The following NCAM2 variants were observed in gnomAD, a reference collection of about 807,000 sequenced individuals.
NCAM2 encodes neural cell adhesion molecule 2.
In NCAM2, 30 loss-of-function variants were observed where a neutral mutation model predicts 98.1. The observed-to-expected ratio is 0.31, with a 90% CI of 0.23 to 0.41. The LOEUF is 0.41. NCAM2 is among the 10% of genes least tolerant of loss of function. The probability of loss-of-function intolerance (pLI) is 1.00; values close to 1 mark genes in which losing one functional copy is unlikely to be tolerated. For missense variants in NCAM2, 867 were observed against 1,005.8 expected (o/e 0.86, Z 1.87); for synonymous variants, 368 against 342.4 (o/e 1.07, Z -0.83).
rs577438068 is a variant in NCAM2 at position 21,539,864 on chromosome 21, T to C, written c.*1907T>C. The C allele has an allele frequency of 2.6e-5, 4 of 152,336 alleles. No homozygotes were observed. The highest frequency in any genetic ancestry group is 2.6e-4 in the Admixed American group (4 of 15,282). The allele number at this position is 152,336 out of a possible 1,614,324, so 9.4% of individuals were successfully genotyped here. ...ACAGATTTGACTGTTCATATTTAGTTTATGTTTGTCTGATCATCCAGTTTG... is the reference window on the plus strand; with the variant it reads ...ACAGATTTGACTGTTCATATTTAGTCTATGTTTGTCTGATCATCCAGTTTG... On this transcript the variant is annotated 3_prime_UTR_variant, in exon 18 of 18. Coordinates refer to ENST00000400546, the MANE Select transcript of NCAM2 (RefSeq NM_004540.5).
At chr21:21,082,225 T>TTAAAAAAAA (rs1555882202) in intron 1 of NCAM2, among the ~76,000 whole-genome samples, 6 of 82,918 alleles carry the variant, frequency 7.2e-5, no homozygotes, top group African/African-American at 2.7e-4. Flanking sequence ...GAGAATCCTT[T>TTAAAAAAAA]AAAAAAAAAA....
intron 8 of NCAM2, among the ~76,000 whole-genome samples, chr21:21,353,451 G>A (rs375761870): frequency 8.6e-4 from 131 of 152,156 alleles, no homozygotes; most frequent in African/African-American, 3.0e-3. Context: ...TGACAATGTC[G>A]GAAGTCTGCA....
intron 1 of NCAM2, among the ~76,000 whole-genome samples, chr21:21,092,373 A>C (rs1037675001): frequency 6.6e-6 from 1 of 152,034 alleles, no homozygotes; most frequent in South Asian, 2.1e-4. Flanking sequence ...AAAAATAATT[A>C]TGCATATTTA....
At chr21:21,112,847 G>A (rs1056367481) in intron 1 of NCAM2, among the ~76,000 whole-genome samples, 3 of 152,166 alleles carry the variant, frequency 2.0e-5, no homozygotes, top group African/African-American at 7.2e-5. Context: ...TATAGTAAAA[G>A]CATATCTTTG....
At chr21:21,252,525 A>G (rs2071513172) in intron 1 of NCAM2, among the ~76,000 whole-genome samples, 1 of 152,042 alleles carries the variant, frequency 6.6e-6, no homozygotes, top group South Asian at 2.1e-4. Flanking sequence ...AAAGCACCTG[A>G]GAGCTACGAA....
At chr21:21,306,901 A>T (rs943290096) in intron 5 of NCAM2, among the ~76,000 whole-genome samples, 1 of 151,694 alleles carries the variant, frequency 6.6e-6, no homozygotes, top group African/African-American at 2.4e-5. Flanking sequence ...CCTGAATTCA[A>T]TTGCTTTGAT....
In NCAM2 at chr21:21,541,703, A is replaced by G. The variant is rs766248721; in HGVS notation, c.*3746A>G. 1.3e-5 allele frequency: 2 copies of G among 151,798 alleles called. No homozygotes were observed. Among genetic ancestry groups the G allele is most frequent in the African/African-American group, 4.8e-5 (2 of 41,422 alleles). The allele number at this position is 151,798 out of a possible 1,614,324, so 9.4% of individuals were successfully genotyped here. A position where few individuals can be genotyped will look rare whatever the true frequency, so the allele number is the denominator to read the frequency against. ...ATGTACAGTTCAAGAAGTAGAAATAATATTTTCCATTAGTTAATTTAGGAA... is the reference window on the plus strand; with the variant it reads ...ATGTACAGTTCAAGAAGTAGAAATAGTATTTTCCATTAGTTAATTTAGGAA... On this transcript the variant is annotated 3_prime_UTR_variant, in exon 18 of 18. Transcript: ENST00000400546.
At chr21:21,523,936 G>T (rs1000987739) in intron 16 of NCAM2, among the ~76,000 whole-genome samples, 1 of 151,332 alleles carries the variant, frequency 6.6e-6, no homozygotes, top group Non-Finnish European at 1.5e-5. Context: ...TTAATCCATT[G>T]TATCAGTAAT....
chr21:21,231,986 A>G (rs2070645631), intron 1 of NCAM2, among the ~76,000 whole-genome samples: 1 of 151,426 alleles, frequency 6.6e-6, no homozygotes, highest in Admixed American at 6.6e-5. Flanking sequence ...ATTGTAATAC[A>G]TTTTCCTCAG....
chr21:21,020,128 C>T (rs774529442), intron 1 of NCAM2, among the ~76,000 whole-genome samples: 6 of 152,052 alleles, frequency 3.9e-5, no homozygotes, highest in Non-Finnish European at 8.8e-5. Context: ...CCTCTGCCTC[C>T]GGGTTCAAGT....
At chr21:21,034,242 A>G (rs752374992) in intron 1 of NCAM2, among the ~76,000 whole-genome samples, 5 of 152,270 alleles carry the variant, frequency 3.3e-5, no homozygotes, top group African/African-American at 4.8e-5. Flanking sequence ...TCGTCTCTAT[A>G]TGGTGTAAGC....
chr21:21,424,617 A>G (rs1481489872), intron 11 of NCAM2, among the ~76,000 whole-genome samples: 1 of 152,144 alleles, frequency 6.6e-6, no homozygotes, highest in Non-Finnish European at 1.5e-5. Context: ...CTCTGAAAGG[A>G]TGGGACTGTT....
chr21:21,074,330 CATTT>C (rs530336332), intron 1 of NCAM2, among the ~76,000 whole-genome samples: 282 of 151,750 alleles, frequency 1.9e-3, no homozygotes, highest in Middle Eastern at 0.014. Flanking sequence ...CATTAATTTA[CATTT>C]ATTTATTAGC....
chr21:21,223,007 A>G (rs2070232908), intron 1 of NCAM2, among the ~76,000 whole-genome samples: 1 of 151,948 alleles, frequency 6.6e-6, no homozygotes, highest in South Asian at 2.1e-4. Flanking sequence ...TTGATGCAAA[A>G]CCCTCCACCA....
intron 8 of NCAM2, among the ~76,000 whole-genome samples, chr21:21,361,455 T>C (rs2075643783): frequency 6.6e-6 from 1 of 152,030 alleles, no homozygotes; most frequent in Non-Finnish European, 1.5e-5. Flanking sequence ...TAGTGAACTC[T>C]CTTGGTTTTT....
At chr21:21,147,311 AATTT>A (rs1481325222) in intron 1 of NCAM2, 2 of 975,254 alleles carry the variant, frequency 2.1e-6, no homozygotes, top group African/African-American at 3.5e-5. Flanking sequence ...AAAAAAAGAC[AATTT>A]ATTTGTTGAA....
At chr21:21,385,396 A>G (rs1029626668) in intron 9 of NCAM2, among the ~76,000 whole-genome samples, 9 of 60,704 alleles carry the variant, frequency 1.5e-4, no homozygotes, top group Non-Finnish European at 3.5e-5. Flanking sequence ...ACACACACAC[A>G]CACGCACACA....
chr21:20,999,866 C>T (rs1482808596), intron 1 of NCAM2, among the ~76,000 whole-genome samples: 1 of 152,146 alleles, frequency 6.6e-6, no homozygotes, highest in South Asian at 2.1e-4. Context: ...GGATGTGAAG[C>T]CTTCCTTTTT....
At chr21:21,042,954 C>G (rs545483487) in intron 1 of NCAM2, among the ~76,000 whole-genome samples, 1 of 152,290 alleles carries the variant, frequency 6.6e-6, no homozygotes, top group East Asian at 1.9e-4. Context: ...TCAATATCAT[C>G]ATTCAATTTT....
Sources: allele counts gnomAD v4.1 joint callset (sites outside exome capture counted in the v4.1 genomes callset), GRCh38; gene constraint gnomAD v4.1.1; transcripts MANE v1.5; gene names NCBI Gene and HGNC (gene_info 2026-07-23, HGNC 2026-07-21).